The following HEG1 variants were observed in gnomAD, a reference collection of about 807,000 sequenced individuals.
HEG1 encodes the protein protein HEG homolog 1.
Under a neutral mutation model 125.6 loss-of-function variants are expected in HEG1, and 56 were observed. That is an observed-to-expected ratio of 0.45 (90% confidence interval 0.36 to 0.56). The LOEUF (loss-of-function observed/expected upper bound fraction) is 0.56, where lower values mean the gene tolerates loss of function less well. Ranked by LOEUF, HEG1 falls within the 20% of genes least tolerant of loss-of-function variation. HEG1 has a pLI of 0.00. For synonymous variants in HEG1, 644 were observed against 668.5 expected, an observed-to-expected ratio of 0.96 and a Z score of 0.57; for missense variants, 1,523 against 1,670.0, an observed-to-expected ratio of 0.91 and a Z score of 1.53.
intron 1 of HEG1, among the ~76,000 whole-genome samples, chr3:125,051,631 AAAAGT>A (rs1937808606): frequency 6.6e-6 from 1 of 152,252 alleles, no homozygotes; most frequent in East Asian, 1.9e-4. Context: ...CCAGGGAGTC[AAAAGT>A]CAGACCCCAA....
At chr3:124,999,537 T>C (rs550807900) in intron 11 of HEG1, among the ~76,000 whole-genome samples, 6 of 152,242 alleles carry the variant, frequency 3.9e-5, no homozygotes, top group Non-Finnish European at 8.8e-5. Flanking sequence ...TGTCACGTTT[T>C]CCTTCCACCC....
In HEG1 at chr3:125,055,671, C is replaced by A; in HGVS notation, c.220G>T (p.Gly74Trp). 1.0e-5 allele frequency: 12 copies of A among 1,157,530 alleles called. No individual in the cohort carries two copies. Among genetic ancestry groups the A allele is most frequent in the Non-Finnish European group, 1.3e-5 (12 of 940,638 alleles). The allele number at this position is 1,157,530 out of a possible 1,614,324, so 71.7% of individuals were successfully genotyped here. Residue 74 changes from glycine to tryptophan, a missense_variant, in exon 1 of 17, where the codon GGG (glycine) becomes TGG (tryptophan). Coordinates refer to ENST00000311127, the MANE Select transcript of HEG1 (RefSeq NM_020733.2). ...TAGCTGGGGCCGGGGGTCGCGGGCC[C>A]GCGGCGCTCCCGGGGCGGCGTGGGC... ...PPPTPPRERR[G>W]PATPGPSYRA...
intron 1 of HEG1, among the ~76,000 whole-genome samples, chr3:125,043,296 G>T (rs1048339899): frequency 6.6e-6 from 1 of 152,202 alleles, no homozygotes; most frequent in Non-Finnish European, 1.5e-5. Context: ...CAGCCTTCCA[G>T]AAATAGAACT....
chr3:125,020,087 T>A (rs1353928199), intron 4 of HEG1, among the ~76,000 whole-genome samples: 3 of 152,194 alleles, frequency 2.0e-5, no homozygotes, highest in East Asian at 1.9e-4. Flanking sequence ...ATCTGCACAT[T>A]TATGCAGAAA....
At chr3:125,028,361 C>T (rs1354564791) in intron 2 of HEG1, among the ~76,000 whole-genome samples, 1 of 152,322 alleles carries the variant, frequency 6.6e-6, no homozygotes, top group Admixed American at 6.5e-5. Context: ...ACCCCGTTCA[C>T]GCAATGGTCC....
chr3:124,996,092 TTTTC>T (rs1192054980), intron 12 of HEG1, among the ~76,000 whole-genome samples: 1 of 151,824 alleles, frequency 6.6e-6, no homozygotes, highest in Admixed American at 6.6e-5. Flanking sequence ...TCCTCATTTG[TTTTC>T]TTTTTTTTTT....
intron 1 of HEG1, among the ~76,000 whole-genome samples, chr3:125,031,910 A>C (rs1443092966): frequency 6.6e-6 from 1 of 152,194 alleles, no homozygotes; most frequent in Non-Finnish European, 1.5e-5. Flanking sequence ...AACACAATCC[A>C]CATGTGTACA....
intron 14 of HEG1, among the ~76,000 whole-genome samples, chr3:124,987,952 C>T (rs13077842): frequency 0.02 from 1,115 of 54,532 alleles, 67 homozygotes; most frequent in Middle Eastern, 0.069. Context: ...CACACACACA[C>T]ATATATATAT....
chr3:125,036,209 CAAA>C lies in HEG1; in HGVS notation c.317-6724_317-6722del, dbSNP rs10658772. Among the ~76,000 whole-genome samples the C allele has an allele frequency of 5.7e-5, 4 of 70,554 alleles. No homozygotes were observed. The Admixed American group carries it at 6.2e-4, about 11-fold the overall frequency. 46.3% of individuals were successfully genotyped at this position (70,554 alleles called of 152,430 possible). ...TGGATGACAAAGCAAGACCCTGTCT[CAAA>C]AAAAAAAAAAAAAAGAAAAGAAATG... On this transcript the variant is annotated intron_variant, in intron 1 of 16. Coordinates refer to ENST00000311127, the MANE Select transcript of HEG1 (RefSeq NM_020733.2).
At chr3:125,015,097 G>C in intron 5 of HEG1, 1 of 960,604 alleles carries the variant, frequency 1.0e-6, no homozygotes, top group Non-Finnish European at 1.4e-6. Context: ...CCTGGGCTGT[G>C]GGAGCCAAGA....
chr3:124,984,767 A>T (rs1579399293), intron 14 of HEG1, among the ~76,000 whole-genome samples: 1 of 152,096 alleles, frequency 6.6e-6, no homozygotes, highest in South Asian at 2.1e-4. Context: ...CTCAAAAAAA[A>T]CCAAAAAACA....
chr3:125,010,946 TA>T (rs997194012), intron 6 of HEG1, among the ~76,000 whole-genome samples: 24 of 152,260 alleles, frequency 1.6e-4, no homozygotes, highest in African/African-American at 5.1e-4. Flanking sequence ...ATTCCCCCGC[TA>T]GAAGATTTAC....
intron 11 of HEG1, 121 bp from the exon 12 acceptor site, chr3:124,997,944 C>G (rs2107694566): frequency 8.4e-7 from 1 of 1,195,060 alleles, no homozygotes; most frequent in East Asian, 2.7e-5. Flanking sequence ...AGGCTGAGAA[C>G]AGTTTTCCGA....
intron 1 of HEG1, among the ~76,000 whole-genome samples, chr3:125,048,808 G>A (rs1937736897): frequency 6.6e-6 from 1 of 152,202 alleles, no homozygotes; most frequent in African/African-American, 2.4e-5. Context: ...AGAGCAGTGG[G>A]GAGGAAGAGA....
intron 15 of HEG1, among the ~76,000 whole-genome samples, chr3:124,976,281 G>A (rs957738923): frequency 6.6e-6 from 1 of 152,140 alleles, no homozygotes; most frequent in African/African-American, 2.4e-5. Flanking sequence ...CTGCCTCCCA[G>A]GTTCAAGCAA....
intron 15 of HEG1, among the ~76,000 whole-genome samples, chr3:124,975,459 C>T (rs3821541): frequency 0.35 from 53,685 of 152,108 alleles, 10,373 homozygotes; most frequent in African/African-American, 0.51. Flanking sequence ...GCATCCCACA[C>T]TGCTGCTACA....
chr3:125,037,296 C>T (rs200588306), intron 1 of HEG1, among the ~76,000 whole-genome samples: 10 of 152,184 alleles, frequency 6.6e-5, no homozygotes, highest in African/African-American at 1.9e-4. Flanking sequence ...CCCAGGTCTA[C>T]GGACCTGGAG....
At position 125,055,639 on chromosome 3, in the gene HEG1, G is replaced by T; in HGVS notation, c.252C>A (p.Ala84=). Residue 84 remains alanine (A), a synonymous_variant, in exon 1 of 17, where the codon GCC becomes GCA. Coordinates refer to ENST00000311127, the MANE Select transcript of HEG1 (RefSeq NM_020733.2). ...GCTGTGTCGCGGCGCCTGGCTCAGG[G>T]GCCCTGTAGCTGGGGCCGGGGGTCG... is the stretch of plus-strand genomic sequence containing the variant. The part of the protein sequence containing the change: ...GPATPGPSYR[A]PEPGAATQRG... The T allele has an allele frequency of 8.4e-7, 1 of 1,196,902 alleles. No individual in the cohort carries two copies. Among genetic ancestry groups the T allele is most frequent in the Non-Finnish European group, 1.0e-6 (1 of 965,292 alleles). 74.1% of individuals were successfully genotyped at this position (1,196,902 alleles called of 1,614,324 possible).
chr3:125,034,080 A>ATCC lies in HEG1; in HGVS notation c.317-4593_317-4592insGGA, dbSNP rs541293903. 9.9e-3 allele frequency among the ~76,000 whole-genome samples: 1,371 copies of ATCC among 138,770 alleles called. 11 individuals carry two copies. Among genetic ancestry groups the ATCC allele is most frequent in the Non-Finnish European group, 0.016 (1,006 of 62,724 alleles). The allele number at this position is 138,770 out of a possible 152,430, so 91.0% of individuals were successfully genotyped here. The stretch of plus-strand genomic sequence containing the variant: ...TCCAATACACACACATCCTGTTAAT[A>ATCC]ATGGGGCAGGGGCGGTCCTGATGGA... On this transcript the variant is annotated intron_variant, in intron 1 of 16. Coordinates refer to ENST00000311127, the MANE Select transcript of HEG1 (RefSeq NM_020733.2).
Sources: gnomAD v4.1 joint callset for allele counts (sites outside exome capture counted in the v4.1 genomes callset) on GRCh38, gnomAD v4.1.1 for gene constraint, MANE v1.5 for transcripts, NCBI Gene and HGNC (gene_info 2026-07-23, HGNC 2026-07-21) for gene names.